The following IRAG2 variants were observed in gnomAD, a reference collection of about 807,000 sequenced individuals.
IRAG2 encodes inositol 1,4,5-triphosphate receptor associated 2.
Under a neutral mutation model 69.9 loss-of-function variants are expected in IRAG2, and 45 were observed. The observed-to-expected ratio is 0.64, with a 90% CI of 0.51 to 0.83. IRAG2 has a LOEUF of 0.83. Among genes scored for constraint, IRAG2 ranks in the 40% least tolerant of loss-of-function variants. The pLI is 0.00. For synonymous variants in IRAG2, 193 were observed against 202.4 expected (o/e 0.95, Z 0.40); for missense variants, 520 against 587.0 (o/e 0.89, Z 1.18).
intron 12 of IRAG2, among the ~76,000 whole-genome samples, chr12:25,032,878 GCAAA>G (rs1169971753): frequency 6.6e-6 from 1 of 152,046 alleles, no homozygotes; most frequent in East Asian, 1.9e-4. Flanking sequence ...ATAATGGGGG[GCAAA>G]CAAACATTCA....
At chr12:25,090,658 C>A (rs184134025) in intron 14 of IRAG2, among the ~76,000 whole-genome samples, 1 of 152,324 alleles carries the variant, frequency 6.6e-6, no homozygotes, top group African/African-American at 2.4e-5. Context: ...GTGCCAAGCT[C>A]TGCCTGACCC....
intron 17 of IRAG2, chr12:25,103,076 T>G (rs1429988751): frequency 6.6e-6 from 1 of 152,210 alleles, no homozygotes; most frequent in Admixed American, 6.5e-5. Flanking sequence ...AACTAACCTA[T>G]GAAATTAAAT....
chr12:25,052,220 T>TTC (rs1555130276), upstream of IRAG2: 1 of 388,562 alleles, frequency 2.6e-6, no homozygotes, highest in East Asian at 3.6e-5. Context: ...TTTTTTTTTT[T>TTC]TTTTTTAACT....
intron 7 of IRAG2, among the ~76,000 whole-genome samples, chr12:25,022,350 C>T (rs73076090): frequency 0.022 from 3,337 of 152,076 alleles, 45 homozygotes; most frequent in East Asian, 0.07. Context: ...AGAAATTAGC[C>T]AGGCGTGGTG....
chr12:25,034,681 T>C (rs935601387), intron 13 of IRAG2, among the ~76,000 whole-genome samples: 1 of 152,228 alleles, frequency 6.6e-6, no homozygotes, highest in African/African-American at 2.4e-5. Flanking sequence ...CATTTGATGG[T>C]CTCTTCCTAT....
rs188523695 is a variant in IRAG2, at chr12:25,056,738, C to T, written c.-447+3782C>T. On this transcript the variant is annotated intron_variant, in intron 1 of 21. Coordinates refer to ENST00000556887, the MANE Select transcript of IRAG2 (RefSeq NM_001366544.2). Reference sequence around the variant, plus strand: ...TATAGAAATTATGTTGTTTCATTCACGATTTTCTTGGCACTTGGATCTGGA... The same window carrying T: ...TATAGAAATTATGTTGTTTCATTCATGATTTTCTTGGCACTTGGATCTGGA... 3.1e-3 allele frequency among the ~76,000 whole-genome samples: 470 copies of T among 152,272 alleles called. 6 individuals are homozygous for T. The South Asian group carries it at 0.032, about 10-fold the overall frequency.
At chr12:25,013,866 C>CTTTTTTTTTTTTTTTTTTTTTTTTTTT (rs71063386) in intron 3 of IRAG2, among the ~76,000 whole-genome samples, 1 of 79,530 alleles carries the variant, frequency 1.3e-5, no homozygotes, top group Non-Finnish European at 2.2e-5. Context: ...TTTTCTTTTT[C>CTTTTTTTTTTTTTTTTTTTTTTTTTTT]TTTTTTTTTT....
intron 20 of IRAG2, among the ~76,000 whole-genome samples, chr12:25,106,431 ATATAT>A (rs1272602362): frequency 1.8e-4 from 24 of 132,070 alleles, no homozygotes; most frequent in Admixed American, 4.2e-4. Flanking sequence ...ATTAATATGC[ATATAT>A]TATATGTAGA....
chr12:25,077,176 T>TATATATATCTGATATATATGAA (rs1946743406), intron 6 of IRAG2, among the ~76,000 whole-genome samples: 2 of 102,624 alleles, frequency 1.9e-5, no homozygotes, highest in African/African-American at 7.2e-5. Flanking sequence ...GTTCATTTCA[T>TATATATATCTGATATATATGAA]ATATATATGA....
chr12:25,050,357 C>T (rs184583170), upstream of IRAG2, among the ~76,000 whole-genome samples: 60 of 151,356 alleles, frequency 4.0e-4, no homozygotes, highest in African/African-American at 1.4e-3. Flanking sequence ...GGTGAAACCC[C>T]GTCTCTACTA....
intron 1 of IRAG2, among the ~76,000 whole-genome samples, chr12:25,056,978 A>G (rs369031198): frequency 2.0e-5 from 3 of 152,156 alleles, no homozygotes; most frequent in Non-Finnish European, 2.9e-5. Flanking sequence ...TCTGTGTCCA[A>G]TCATACTCCC....
chr12:25,084,294 GCAGA>G (rs1947424037), intron 10 of IRAG2, among the ~76,000 whole-genome samples: 1 of 152,086 alleles, frequency 6.6e-6, no homozygotes, highest in Admixed American at 6.6e-5. Flanking sequence ...GGAGGGCAAG[GCAGA>G]CAGATCACTT....
At chr12:25,002,938 A>G (rs569608796), upstream of IRAG2, among the ~76,000 whole-genome samples, 27 of 152,308 alleles carry the variant, frequency 1.8e-4, no homozygotes, top group African/African-American at 6.0e-4. Context: ...CACCATGCCC[A>G]GCCAAGAGAT....
chr12:25,004,900 T>A, exon 1 of IRAG2: 1 of 1,231,062 alleles, frequency 8.1e-7, no homozygotes, highest in South Asian at 4.1e-5. Context: ...AAAAAAATTA[T>A]CTCTGAATGA....
At chr12:25,076,727 A>G in intron 6 of IRAG2, 1 of 468,342 alleles carries the variant, frequency 2.1e-6, no homozygotes, top group Non-Finnish European at 2.8e-6. Context: ...ACAGATAGTA[A>G]CAATGTGTTT....
At chr12:25,014,325 G>A (rs547422745) in intron 3 of IRAG2, among the ~76,000 whole-genome samples, 1 of 152,234 alleles carries the variant, frequency 6.6e-6, no homozygotes, top group East Asian at 1.9e-4. Flanking sequence ...AAATACAGAA[G>A]ATAAGAGCAG....
chr12:25,036,752 T>A, intron 15 of IRAG2: 1 of 398,068 alleles, frequency 2.5e-6, no homozygotes, highest in Non-Finnish European at 4.4e-6. Context: ...GGTAATAGTA[T>A]ATACAGTACC....
chr12:25,015,864 T>G (rs949805942), intron 5 of IRAG2, among the ~76,000 whole-genome samples: 1 of 152,364 alleles, frequency 6.6e-6, no homozygotes, highest in East Asian at 1.9e-4. Flanking sequence ...CTGCCTCTGC[T>G]TTATTTTATC....
chr12:25,078,631 C>A (rs538791329), intron 6 of IRAG2, among the ~76,000 whole-genome samples: 1 of 152,124 alleles, frequency 6.6e-6, no homozygotes, highest in African/African-American at 2.4e-5. Flanking sequence ...CCTAAAGTTA[C>A]CCCCAAAATA....
Sources: allele counts gnomAD v4.1 joint callset (sites outside exome capture counted in the v4.1 genomes callset), GRCh38; gene constraint gnomAD v4.1.1; transcripts MANE v1.5; gene names NCBI Gene and HGNC (gene_info 2026-07-23, HGNC 2026-07-21).